TMEM196: variants seen among roughly 807,000 people sequenced by gnomAD.
TMEM196 encodes the protein transmembrane protein 196.
In TMEM196, 17 loss-of-function variants were observed where a neutral mutation model predicts 20.0. The ratio of observed to expected loss-of-function variants is 0.85; its 90% confidence interval spans 0.58 to 1.27. The LOEUF is 1.27. Among genes scored for constraint, TMEM196 ranks in the 50% most tolerant of loss-of-function variants. TMEM196 has a pLI of 0.00. For missense variants in TMEM196, 267 were observed against 223.0 expected (o/e 1.20, Z -1.26); for synonymous variants, 113 against 88.9 (o/e 1.27, Z -1.52).
In TMEM196 at chr7:19,721,776, T is replaced by A. The variant is rs1673049498; in HGVS notation, c.*352A>T. The A allele has an allele frequency of 3.8e-6, 1 of 262,682 alleles. No homozygotes were observed. The highest frequency in any genetic ancestry group is 2.3e-5 in the African/African-American group (1 of 43,920). The allele number at this position is 262,682 out of a possible 1,614,324, so 16.3% of individuals were successfully genotyped here. A position where few individuals can be genotyped will look rare whatever the true frequency, so the allele number is the denominator to read the frequency against. On this transcript the variant is annotated 3_prime_UTR_variant, in exon 5 of 5. Coordinates refer to ENST00000405844, the MANE Select transcript of TMEM196 (RefSeq NM_001363562.2). Reference sequence around the variant, plus strand: ...TATAATAATCATGCTAGTCAAATAGTGTTTGTATAGAATATGCATTTTATT... The same window carrying A: ...TATAATAATCATGCTAGTCAAATAGAGTTTGTATAGAATATGCATTTTATT...
intron 2 of TMEM196, among the ~76,000 whole-genome samples, chr7:19,729,119 T>C (rs1292018291): frequency 6.6e-6 from 1 of 152,220 alleles, no homozygotes; most frequent in East Asian, 1.9e-4. Flanking sequence ...CTGTCATCCG[T>C]AGCAGTCATT....
At chr7:19,741,256 C>A (rs1368852388) in intron 1 of TMEM196, among the ~76,000 whole-genome samples, 2 of 152,130 alleles carry the variant, frequency 1.3e-5, no homozygotes. Context: ...GTTAGAGTGA[C>A]AGATCATCTA....
intron 2 of TMEM196, among the ~76,000 whole-genome samples, chr7:19,727,324 G>C (rs1452409356): frequency 2.0e-5 from 3 of 152,148 alleles, no homozygotes; most frequent in Non-Finnish European, 2.9e-5. Flanking sequence ...ATTTAGCCCA[G>C]CCAAGATTTT....
intron 1 of TMEM196, among the ~76,000 whole-genome samples, chr7:19,771,657 A>G (rs1785887612): frequency 6.6e-6 from 1 of 152,200 alleles, no homozygotes; most frequent in Admixed American, 6.5e-5. Flanking sequence ...GCTTGAAGGA[A>G]AAAACTGGTT....
chr7:19,736,156 A>G (rs1247546734), intron 1 of TMEM196, among the ~76,000 whole-genome samples: 1 of 151,806 alleles, frequency 6.6e-6, no homozygotes, highest in Admixed American at 6.6e-5. Flanking sequence ...TTAATTAAAG[A>G]ATAACTCTGG....
chr7:19,757,964 A>T (rs891392268), intron 1 of TMEM196, among the ~76,000 whole-genome samples: 34 of 137,102 alleles, frequency 2.5e-4, no homozygotes, highest in Non-Finnish European at 2.8e-4. Flanking sequence ...TTATATATAT[A>T]CTTTTTTTTT....
intron 4 of TMEM196, among the ~76,000 whole-genome samples, chr7:19,722,584 G>C (rs899218544): frequency 1.3e-5 from 2 of 152,092 alleles, no homozygotes; most frequent in Admixed American, 6.6e-5. Flanking sequence ...AAAGGCCTAC[G>C]AGGGCATCAT....
intron 2 of TMEM196, 28 bp downstream of exon 2, chr7:19,729,354 G>A: frequency 1.3e-6 from 2 of 1,543,318 alleles, no homozygotes; most frequent in Non-Finnish European, 1.7e-6. Flanking sequence ...ACACCTCAAT[G>A]CACAATACAA....
intron 1 of TMEM196, among the ~76,000 whole-genome samples, chr7:19,737,990 A>G (rs1784466554): frequency 6.6e-6 from 1 of 152,064 alleles, no homozygotes; most frequent in African/African-American, 2.4e-5. Context: ...ACCATACTAT[A>G]TAACTATAAT....
chr7:19,761,122 T>C (rs1785419453), intron 1 of TMEM196, among the ~76,000 whole-genome samples: 1 of 152,206 alleles, frequency 6.6e-6, no homozygotes, highest in East Asian at 1.9e-4. Context: ...CTTCCTTGCC[T>C]TTATTAGACT....
rs1239255002 is a variant in TMEM196, at chr7:19,773,334, C to A, written c.-638G>T. ...GTTGCTTTGTCGCCAGAAAAAGCGA[C>A]CTTGTCTGATGGCCTCTTTCCGTCT... On this transcript the variant is annotated 5_prime_UTR_variant, in exon 1 of 5. Coordinates refer to ENST00000405844, the MANE Select transcript of TMEM196 (RefSeq NM_001363562.2). 1.3e-5 allele frequency: 2 copies of A among 153,626 alleles called. No homozygotes were observed. Among genetic ancestry groups the A allele is most frequent in the Admixed American group, 6.5e-5 (1 of 15,280 alleles). 9.5% of individuals were successfully genotyped at this position (153,626 alleles called of 1,614,324 possible).
chr7:19,732,253 G>A (rs917180624), intron 1 of TMEM196, among the ~76,000 whole-genome samples: 4 of 152,136 alleles, frequency 2.6e-5, no homozygotes, highest in African/African-American at 9.7e-5. Context: ...TCTAATTTAA[G>A]ACTTTATTAA....
chr7:19,752,647 C>T (rs1480572245), intron 1 of TMEM196, among the ~76,000 whole-genome samples: 1 of 151,638 alleles, frequency 6.6e-6, no homozygotes, highest in Admixed American at 6.6e-5. Context: ...TGGAATCTCG[C>T]TCTGTCACCC....
Position 19,766,920 on chromosome 7 carries a change from C to A in TMEM196, c.147+5630G>T, listed in dbSNP as rs560989212. ...CTCATAATTAAGGCAATACAGAGAC[C>A]GAACTAAGATATATTTTAGGCAAAA... On this transcript the variant is annotated intron_variant, in intron 1 of 4. Transcript: ENST00000405844. Among the ~76,000 whole-genome samples, 7 of 151,980 alleles carry A rather than the reference C, an allele frequency of 4.6e-5. No individual in the cohort carries two copies. The South Asian group carries it at 1.5e-3, about 32-fold the overall frequency.
chr7:19,730,895 G>A (rs1784180661), intron 1 of TMEM196, among the ~76,000 whole-genome samples: 1 of 152,094 alleles, frequency 6.6e-6, no homozygotes. Flanking sequence ...CATATTAATG[G>A]AAAGGAAAGG....
At chr7:19,755,242 C>G (rs1377206331) in intron 1 of TMEM196, among the ~76,000 whole-genome samples, 4 of 152,178 alleles carry the variant, frequency 2.6e-5, no homozygotes, top group Admixed American at 6.5e-5. Context: ...CCTGATCATA[C>G]TTTTTGGTAA....
intron 1 of TMEM196, 137 bp downstream of exon 1, chr7:19,772,413 A>C (rs1785920328): frequency 1.1e-6 from 1 of 939,190 alleles, no homozygotes; most frequent in Admixed American, 3.7e-5. Context: ...GCTTGTCAGC[A>C]TGAACCTACA....
intron 1 of TMEM196, among the ~76,000 whole-genome samples, chr7:19,754,385 C>T (rs1355045864): frequency 3.3e-5 from 5 of 151,874 alleles, no homozygotes; most frequent in Admixed American, 1.3e-4. Context: ...AAAGTTAGCC[C>T]AATAATTATT....
At chr7:19,756,357 GT>G (rs35820648) in intron 1 of TMEM196, among the ~76,000 whole-genome samples, 22,085 of 151,268 alleles carry the variant, frequency 0.15, 1,951 homozygotes, top group East Asian at 0.42. Flanking sequence ...GCACATCTTT[GT>G]TTTTTAAACT....
Sources: gnomAD v4.1 joint callset for allele counts (sites outside exome capture counted in the v4.1 genomes callset) on GRCh38, gnomAD v4.1.1 for gene constraint, MANE v1.5 for transcripts, NCBI Gene and HGNC (gene_info 2026-07-23, HGNC 2026-07-21) for gene names.